The following NLRP12 variants were observed in gnomAD, a reference collection of about 807,000 sequenced individuals.
NLRP12 encodes NACHT, LRR and PYD domains-containing protein 12.
NLRP12 carries 108 observed loss-of-function variants against 91.2 expected under a neutral mutation model. That is an observed-to-expected ratio of 1.18 (90% CI 1.01 to 1.39). The LOEUF is 1.39. Among genes scored for constraint, NLRP12 ranks in the 40% most tolerant of loss-of-function variants. The pLI is 0.00. For synonymous variants in NLRP12, 613 were observed against 566.7 expected (o/e 1.08, Z -1.16); for missense variants, 1,530 against 1,352.7 (o/e 1.13, Z -2.06).
At chr19:53,805,004 T>TG (rs2091934708) in intron 5 of NLRP12, among the ~76,000 whole-genome samples, 1 of 151,938 alleles carries the variant, frequency 6.6e-6, no homozygotes, top group South Asian at 2.1e-4. Flanking sequence ...CACCCCAACT[T>TG]GGGCAACATA....
chr19:53,802,415 A>AG (rs752760707), intron 6 of NLRP12, among the ~76,000 whole-genome samples: 24 of 151,742 alleles, frequency 1.6e-4, no homozygotes, highest in Admixed American at 3.3e-4. Context: ...TATTAAAAAT[A>AG]AATAGAATGC....
chr19:53,793,855 G>T lies in NLRP12; in HGVS notation c.*194C>A. On this transcript the variant is annotated 3_prime_UTR_variant, in exon 10 of 10. Coordinates refer to ENST00000324134, the MANE Select transcript of NLRP12 (RefSeq NM_144687.4). The stretch of plus-strand genomic sequence containing the variant: ...CTGCCTCGGCCTCTCGAAGTGCTAG[G>T]ATTACATACATGAGCCACCACGCCT... The T allele has an allele frequency of 1.5e-6, 1 of 672,434 alleles. No homozygotes were observed. The highest frequency in any genetic ancestry group is 2.7e-6 in the Non-Finnish European group (1 of 368,764). 41.7% of individuals were successfully genotyped at this position (672,434 alleles called of 1,614,324 possible). A position where few individuals can be genotyped will look rare whatever the true frequency, so the allele number is the denominator to read the frequency against.
At chr19:53,803,634 CG>C in intron 6 of NLRP12, 1 of 377,990 alleles carries the variant, frequency 2.6e-6, no homozygotes, top group South Asian at 2.1e-5. Context: ...AGTGCAGTGA[CG>C]TGATCTCAGC....
At chr19:53,817,052 G>A in intron 1 of NLRP12, among the ~76,000 whole-genome samples, 1 of 151,602 alleles carries the variant, frequency 6.6e-6, no homozygotes, top group Non-Finnish European at 1.5e-5. Flanking sequence ...AGCACTTTGG[G>A]AGGCCAAGGC....
rs2092066216 is a variant in NLRP12 at position 53,811,088 on chromosome 19, C to G, written c.571G>C (p.Ala191Pro). The G allele has an allele frequency of 6.2e-7, 1 of 1,613,832 alleles. No homozygotes were observed. Among genetic ancestry groups the G allele is most frequent in the South Asian group, 1.1e-5 (1 of 91,072 alleles). Residue 191 changes from alanine (A) to proline (P), a missense_variant, in exon 3 of 10, where the codon GCT becomes CCT. Ala to Pro is a conservative substitution (Grantham distance 27). Transcript: ENST00000324134. The part of the protein sequence containing the change: ...RGHARTVGHQ[A>P]SPIKIETLFE... ...AGGGTCTCTATCTTGATGGGGCTAG[C>G]CTGGTGTCCCACGGTCCTCGCGTGT...
Position 53,798,234 on chromosome 19 carries a change from G to A in NLRP12, c.2927+9C>T, listed in dbSNP as rs377043604. The stretch of plus-strand genomic sequence containing the variant: ...GACCACTGCCACCCCGTCACTCCCC[G>A]ATGCTCACCACAGTTTCTGGAGTCT... On this transcript the variant is annotated intron_variant, in intron 8 of 9. Transcript: ENST00000324134. The A allele has an allele frequency of 8.2e-5, 133 of 1,614,076 alleles. No homozygotes were observed. Among genetic ancestry groups the A allele is most frequent in the Non-Finnish European group, 1.0e-4 (122 of 1,179,988 alleles).
At position 53,801,270 on chromosome 19, in the gene NLRP12, A is replaced by C; in HGVS notation, c.2713T>G (p.Cys905Gly). 1 of 1,613,794 alleles carries C rather than the reference A, an allele frequency of 6.2e-7. No homozygotes were observed. Among genetic ancestry groups the C allele is most frequent in the Non-Finnish European group, 8.5e-7 (1 of 1,179,950 alleles). ...ELGDLGVLLL[C>G]EGLRHPTCKL... ...CACGTGGGATGCCTGAGGCCCTCAC[A>C]CAGCAGCAGCACCCCGAGGTCCCCC... Residue 905 changes from cysteine to glycine, a missense_variant, in exon 7 of 10, where the codon TGT becomes GGT. Coordinates refer to ENST00000324134, the MANE Select transcript of NLRP12 (RefSeq NM_144687.4).
intron 1 of NLRP12, among the ~76,000 whole-genome samples, chr19:53,823,498 A>AAAATATATATTTTAAAACATATAT: frequency 1.8e-5 from 1 of 56,798 alleles, no homozygotes; most frequent in African/African-American, 7.8e-5. Flanking sequence ...AAATATATTT[A>AAAATATATATTTTAAAACATATAT]TTTAAAATAT....
intron 1 of NLRP12, among the ~76,000 whole-genome samples, chr19:53,819,418 T>C (rs1286281692): frequency 1.2e-4 from 1 of 8,424 alleles, no homozygotes; most frequent in Non-Finnish European, 2.5e-4. Flanking sequence ...CTAATATATA[T>C]ATATATATAT....
intron 1 of NLRP12, among the ~76,000 whole-genome samples, chr19:53,817,472 A>G (rs2092179544): frequency 1.3e-5 from 2 of 151,582 alleles, no homozygotes; most frequent in South Asian, 4.2e-4. Flanking sequence ...GCGGTGGCTC[A>G]TGCCTGTAAT....
intron 4 of NLRP12, 117 bp from the exon 5 acceptor site, chr19:53,805,567 G>A: frequency 8.6e-7 from 1 of 1,156,736 alleles, no homozygotes; most frequent in East Asian, 2.6e-5. Flanking sequence ...ACCCAGGCTG[G>A]AGAGCAGTGG....
In NLRP12 at chr19:53,810,333, C is replaced by T; in HGVS notation, c.1326G>A (p.Leu442=). The T allele has an allele frequency of 1.2e-6, 2 of 1,613,598 alleles. No homozygotes were observed. The highest frequency in any genetic ancestry group is 1.3e-5 in the African/African-American group (1 of 75,016). Residue 442 remains leucine, a synonymous_variant, in exon 3 of 10, where the codon CTG becomes CTA. Transcript: ENST00000324134. ...TAVYMLYLLS[L]MQPKPGAPRL... is the part of the protein sequence containing the mutation. ...GCGGGGCCCCCGGCTTGGGTTGCAT[C>T]AGACTCAGCAGGTAGAGCATGTACA...
At chr19:53,815,066 G>T (rs1043894619) in intron 1 of NLRP12, 78 bp from the exon 2 acceptor site, 1 of 1,071,806 alleles carries the variant, frequency 9.3e-7, no homozygotes, top group African/African-American at 1.5e-5. Context: ...CGATTACGTC[G>T]AAATGCCTGC....
intron 8 of NLRP12, among the ~76,000 whole-genome samples, chr19:53,797,428 TATTATTTTTGAGACAG>T (rs1243012728): frequency 6.6e-6 from 1 of 151,736 alleles, no homozygotes; most frequent in African/African-American, 2.4e-5. Flanking sequence ...CGGCCTGAAT[TATTATTTTTGAGACAG>T]AGTCTTGCTC....
Position 53,801,141 on chromosome 19 carries a change from G to A in NLRP12, c.2756+86C>T, listed in dbSNP as rs548829093. 3.5e-5 allele frequency: 43 copies of A among 1,243,184 alleles called. No homozygotes were observed. The South Asian group carries it at 4.8e-4, about 14-fold the overall frequency. 77.0% of individuals were successfully genotyped at this position (1,243,184 alleles called of 1,614,324 possible). A position where few individuals can be genotyped will look rare whatever the true frequency, so the allele number is the denominator to read the frequency against. On this transcript the variant is annotated intron_variant, in intron 7 of 9. Coordinates refer to ENST00000324134, the MANE Select transcript of NLRP12 (RefSeq NM_144687.4). ...ATGTAGTAGCTAGAGTTTAGGAGCA[G>A]AGACAACCTGGCCTCCGTGGTCCCA...
intron 1 of NLRP12, among the ~76,000 whole-genome samples, chr19:53,818,572 G>A (rs2092198033): frequency 7.1e-6 from 1 of 140,686 alleles, no homozygotes; most frequent in Non-Finnish European, 1.6e-5. Context: ...GGCTGAGGCA[G>A]GAGAATCGCT....
chr19:53,822,054 G>T (rs1295715783), intron 1 of NLRP12, among the ~76,000 whole-genome samples: 1 of 152,078 alleles, frequency 6.6e-6, no homozygotes, highest in African/African-American at 2.4e-5. Context: ...CTAAACATTG[G>T]GTTCTCATGG....
At chr19:53,796,153 G>C (rs773024061) in intron 8 of NLRP12, 124 bp from the exon 9 acceptor site, 1 of 881,644 alleles carries the variant, frequency 1.1e-6, no homozygotes, top group Non-Finnish European at 1.8e-6. Flanking sequence ...TGCAACCTCC[G>C]CCTCCCAGGT....
intron 7 of NLRP12, among the ~76,000 whole-genome samples, chr19:53,800,586 C>T (rs989562478): frequency 3.3e-5 from 4 of 122,986 alleles, no homozygotes; most frequent in Non-Finnish European, 5.2e-5. Context: ...AAAACCCCCC[C>T]CTTTTTTTTT....
Sources: gnomAD v4.1 joint callset for allele counts (sites outside exome capture counted in the v4.1 genomes callset) on GRCh38, gnomAD v4.1.1 for gene constraint, MANE v1.5 for transcripts, NCBI Gene and HGNC (gene_info 2026-07-23, HGNC 2026-07-21) for gene names.